PMM2: variants seen among roughly 807,000 people sequenced by gnomAD.
PMM2 encodes the protein mannose-6-phosphate isomerase.
In PMM2, 35 loss-of-function variants were observed where a neutral mutation model predicts 33.2. The observed-to-expected ratio is 1.06, with a 90% CI of 0.81 to 1.40. The LOEUF (loss-of-function observed/expected upper bound fraction) is 1.40. Among genes scored for constraint, PMM2 ranks in the 40% most tolerant of loss-of-function variants. The pLI, the probability that PMM2 is intolerant of heterozygous loss-of-function variation, is 0.00. For synonymous variants in PMM2, 153 were observed against 114.7 expected (o/e 1.33, Z -2.13); for missense variants, 386 against 306.0 (o/e 1.26, Z -1.95).
rs1021498676 is a variant in PMM2 at position 8,832,497 on chromosome 16, C to T, written c.640-15227C>T. 24 of 985,320 alleles carry T rather than the reference C, an allele frequency of 2.4e-5. No homozygotes were observed. The African/African-American group carries it at 4.2e-4, about 17-fold the overall frequency. The allele number at this position is 985,320 out of a possible 1,614,324, so 61.0% of individuals were successfully genotyped here. On this transcript the variant is annotated intron_variant, in intron 7 of 7. Transcript: ENST00000268261. ...ACGGGAGGAGACTCGTGCCGTTAGGCCTCTGTCCCTGCATGTGACATCTGC... is the reference window on the plus strand; with the variant it reads ...ACGGGAGGAGACTCGTGCCGTTAGGTCTCTGTCCCTGCATGTGACATCTGC...
At chr16:8,832,151 C>G (rs1488885381) in intron 7 of PMM2, 3 of 985,288 alleles carry the variant, frequency 3.0e-6, no homozygotes, top group Non-Finnish European at 3.6e-6. Context: ...GACACAGCCC[C>G]AAGAAGGCTG....
chr16:8,819,130 G>A (rs1434844363), intron 7 of PMM2, among the ~76,000 whole-genome samples: 1 of 152,226 alleles, frequency 6.6e-6, no homozygotes, highest in African/African-American at 2.4e-5. Flanking sequence ...GGCTATCAGT[G>A]CACTCAAGCA....
intron 7 of PMM2, among the ~76,000 whole-genome samples, chr16:8,837,186 C>G (rs934218480): frequency 6.6e-6 from 1 of 151,870 alleles, no homozygotes; most frequent in Admixed American, 6.6e-5. Context: ...GCACTGGGCA[C>G]AGAGACTAGG....
chr16:8,837,094 A>G (rs1195651578), intron 7 of PMM2, among the ~76,000 whole-genome samples: 1 of 151,826 alleles, frequency 6.6e-6, no homozygotes, highest in Non-Finnish European at 1.5e-5. Context: ...GTAGAAAAGG[A>G]ATATTAGAAA....
chr16:8,810,575 CTTTT>C (rs33970854), intron 4 of PMM2: 27 of 113,622 alleles, frequency 2.4e-4, no homozygotes, highest in Admixed American at 6.3e-4. Flanking sequence ...TAAAATATGA[CTTTT>C]TTTTTTTTTT....
chr16:8,798,807 T>C (rs1022870727), intron 1 of PMM2, among the ~76,000 whole-genome samples: 3 of 152,132 alleles, frequency 2.0e-5, no homozygotes, highest in Non-Finnish European at 4.4e-5. Flanking sequence ...ACCCCAATGG[T>C]CTCACTATCC....
chr16:8,838,887 C>T (rs1303865735), intron 7 of PMM2, among the ~76,000 whole-genome samples: 1 of 151,840 alleles, frequency 6.6e-6, no homozygotes, highest in Non-Finnish European at 1.5e-5. Flanking sequence ...CAACACTCTT[C>T]ATTTAAGAAT....
chr16:8,806,618 C>T, intron 4 of PMM2: 1 of 598,576 alleles, frequency 1.7e-6, no homozygotes, highest in Middle Eastern at 4.3e-4. Context: ...TGCCCTGGTG[C>T]TGCTGGTTCA....
chr16:8,836,447 G>A (rs2060848458), intron 7 of PMM2, among the ~76,000 whole-genome samples: 1 of 152,010 alleles, frequency 6.6e-6, no homozygotes, highest in South Asian at 2.1e-4. Context: ...GCATTCCTTG[G>A]CCCAGTGGCC....
rs78094244 is a variant in PMM2, at chr16:8,814,701, A to T, written c.639+1595A>T. On this transcript the variant is annotated intron_variant, in intron 7 of 7. Coordinates refer to ENST00000268261, the MANE Select transcript of PMM2 (RefSeq NM_000303.3). ...GTCTACCTGTTCTTTGTATGTTTTAAATAGCTTTATTGAGGTATAATTGAT... is the reference window on the plus strand; with the variant it reads ...GTCTACCTGTTCTTTGTATGTTTTATATAGCTTTATTGAGGTATAATTGAT... Among the ~76,000 whole-genome samples the T allele has an allele frequency of 8.9e-4, 136 of 152,322 alleles. 4 individuals are homozygous for T. In the East Asian group the frequency reaches 0.024, roughly 27 times the overall value.
intron 2 of PMM2, 112 bp from the exon 3 acceptor site, chr16:8,804,655 C>T: frequency 1.3e-6 from 1 of 761,620 alleles, no homozygotes; most frequent in South Asian, 1.5e-5. Flanking sequence ...GATAGTCTTT[C>T]ACAGTCCTTG....
chr16:8,845,697 C>A (rs1011923463), intron 7 of PMM2, among the ~76,000 whole-genome samples: 4 of 151,848 alleles, frequency 2.6e-5, no homozygotes, highest in African/African-American at 9.7e-5. Flanking sequence ...TCCTGCCAAG[C>A]AGCTGGGATT....
At chr16:8,841,218 A>G (rs2060888820) in intron 7 of PMM2, among the ~76,000 whole-genome samples, 1 of 151,114 alleles carries the variant, frequency 6.6e-6, no homozygotes, top group South Asian at 2.1e-4. Flanking sequence ...AGAGCCTGAG[A>G]AACTGCTTGG....
intron 4 of PMM2, chr16:8,808,081 G>A (rs2060656815): frequency 6.6e-6 from 1 of 152,108 alleles, no homozygotes; most frequent in South Asian, 2.1e-4. Flanking sequence ...TTTCAGGGCT[G>A]GGTGTACTTC....
intron 7 of PMM2, among the ~76,000 whole-genome samples, chr16:8,843,840 A>G (rs2060906611): frequency 6.6e-6 from 1 of 151,962 alleles, no homozygotes; most frequent in South Asian, 2.1e-4. Context: ...GGGCTGAGGA[A>G]GAATTGGAAC....
At position 8,825,307 on chromosome 16, in the gene PMM2, A is replaced by G. The variant is rs144334271; in HGVS notation, c.639+12201A>G. ...CGGCCTCCCAAAGTGCTAGGATTAC[A>G]GGCATGAGCCACTGTGCCCGGCCTG... is the stretch of plus-strand genomic sequence containing the variant. On this transcript the variant is annotated intron_variant, in intron 7 of 7. Transcript: ENST00000268261. Among the ~76,000 whole-genome samples the G allele has an allele frequency of 8.9e-3, 1,348 of 151,632 alleles. 33 individuals carry two copies. The highest frequency in any genetic ancestry group is 0.031 in the African/African-American group (1,279 of 41,274).
At chr16:8,827,718 G>GTATA (rs1567164534) in intron 7 of PMM2, among the ~76,000 whole-genome samples, 64 of 42,814 alleles carry the variant, frequency 1.5e-3, no homozygotes, top group African/African-American at 6.7e-3. Context: ...TTAAATGTGT[G>GTATA]CATATATATA....
chr16:8,825,779 G>A (rs1426682989), intron 7 of PMM2, among the ~76,000 whole-genome samples: 3 of 115,758 alleles, frequency 2.6e-5, no homozygotes, highest in Non-Finnish European at 3.4e-5. Flanking sequence ...TTTTTGAGAT[G>A]GAGTCTTGCT....
At chr16:8,846,682 A>G (rs2060927763) in intron 7 of PMM2, among the ~76,000 whole-genome samples, 2 of 152,252 alleles carry the variant, frequency 1.3e-5, no homozygotes, top group Admixed American at 6.5e-5. Context: ...TGTGACCCCA[A>G]CCATCATCTC....
Sources: allele counts gnomAD v4.1 joint callset (sites outside exome capture counted in the v4.1 genomes callset), GRCh38; gene constraint gnomAD v4.1.1; transcripts MANE v1.5; gene names NCBI Gene and HGNC (gene_info 2026-07-23, HGNC 2026-07-21).